Variants in RPS19 observed in about 807,000 individuals in gnomAD.
RPS19 encodes the protein small ribosomal subunit protein eS19.
A neutral mutation model predicts 20.3 loss-of-function variants in RPS19; 1 was observed. The observed-to-expected ratio is 0.05, with a 90% CI of 0.02 to 0.23. The LOEUF (loss-of-function observed/expected upper bound fraction) is 0.23, where lower values mean the gene tolerates loss of function less well. Ranked by LOEUF, RPS19 falls within the 10% of genes least tolerant of loss-of-function variation. The probability of loss-of-function intolerance (pLI) is 1.00; values close to 1 mark genes in which losing one functional copy is unlikely to be tolerated. For synonymous variants in RPS19, 87 were observed against 74.8 expected (o/e 1.16, Z -0.84); for missense variants, 111 against 192.7 (o/e 0.58, Z 2.51).
chr19:41,861,009 G>T (rs1267236123), intron 2 of RPS19, 103 bp from the exon 3 acceptor site: 5 of 1,123,478 alleles, frequency 4.5e-6, no homozygotes, highest in African/African-American at 3.1e-5. Flanking sequence ...GCCTCTCTTT[G>T]TACTCTGGGC....
intron 1 of RPS19, 148 bp from the exon 2 acceptor site, chr19:41,860,627 C>G (rs940928011): frequency 2.2e-5 from 17 of 768,414 alleles, no homozygotes; most frequent in East Asian, 2.4e-5. Flanking sequence ...CCCGCAGGAG[C>G]CGGAGCCCGG....
Position 41,861,089 on chromosome 19 carries a change from T to C in RPS19, c.72-23T>C, listed in dbSNP as rs1555839139. ...GTTTGTGGAGATGACTGAATCGTGC[T>C]TTTCCCACTGTTTTGGTCTTAGGTC... is the stretch of plus-strand genomic sequence containing the variant. On this transcript the variant is annotated intron_variant, in intron 2 of 5. Transcript: ENST00000598742. 5.0e-6 allele frequency: 8 copies of C among 1,590,542 alleles called. 1 individual carries two copies. The South Asian group carries it at 8.8e-5, about 18-fold the overall frequency.
intron 5 of RPS19, 111 bp downstream of exon 5, chr19:41,869,864 G>A: frequency 8.7e-7 from 1 of 1,143,096 alleles, no homozygotes; most frequent in Non-Finnish European, 1.3e-6. Context: ...GCACAGCCCA[G>A]GGTGCTGGTG....
In RPS19 at chr19:41,871,798, A is replaced by C. The variant is rs919526099; in HGVS notation, c.*421A>C. The C allele has an allele frequency of 4.9e-5, 11 of 222,236 alleles. No homozygotes were observed. Among genetic ancestry groups the C allele is most frequent in the Admixed American group, 1.1e-4 (2 of 18,996 alleles). 13.8% of individuals were successfully genotyped at this position (222,236 alleles called of 1,614,324 possible). ...CTGTCTTTGCAATTGTCAGAAAGTGAGAAACGAAAGGATGGCTGTGAGCTG... is the reference window on the plus strand; with the variant it reads ...CTGTCTTTGCAATTGTCAGAAAGTGCGAAACGAAAGGATGGCTGTGAGCTG... On this transcript the variant is annotated 3_prime_UTR_variant, in exon 6 of 6. Transcript: ENST00000598742.
chr19:41,860,971 G>C, intron 2 of RPS19, 126 bp downstream of exon 2: 2 of 1,110,476 alleles, frequency 1.8e-6, no homozygotes, highest in Non-Finnish European at 2.8e-6. Context: ...TCCTTTCAGC[G>C]TGAGGCCTGG....
chr19:41,862,035 C>CACTA (rs3837927), intron 3 of RPS19, among the ~76,000 whole-genome samples: 68,904 of 151,618 alleles, frequency 0.45, 16,519 homozygotes, highest in Middle Eastern at 0.69. Context: ...CACCGACCTT[C>CACTA]ACTAAGGGGC....
At chr19:41,867,446 T>C (rs112639563) in intron 3 of RPS19, among the ~76,000 whole-genome samples, 291 of 152,038 alleles carry the variant, frequency 1.9e-3, no homozygotes, top group African/African-American at 6.8e-3. Flanking sequence ...GTAGCTGGGG[T>C]TACAGCGGGT....
At chr19:41,865,708 G>A (rs935266249) in intron 3 of RPS19, among the ~76,000 whole-genome samples, 9 of 152,086 alleles carry the variant, frequency 5.9e-5, no homozygotes, top group South Asian at 4.1e-4. Context: ...CAGCACTTTC[G>A]GAGGCCGAGG....
At chr19:41,870,009 G>A (rs906275299) in intron 5 of RPS19, among the ~76,000 whole-genome samples, 5 of 152,096 alleles carry the variant, frequency 3.3e-5, no homozygotes, top group Admixed American at 6.5e-5. Context: ...TTGGGATGCC[G>A]AGGCAGGCGA....
chr19:41,868,706 G>A (rs79420097), intron 3 of RPS19, among the ~76,000 whole-genome samples: 3,494 of 152,192 alleles, frequency 0.023, 146 homozygotes, highest in African/African-American at 0.078. Flanking sequence ...CTGCTTCTCT[G>A]GGGCCCATGG....
chr19:41,866,583 G>A (rs1568793337), intron 3 of RPS19, among the ~76,000 whole-genome samples: 1 of 152,232 alleles, frequency 6.6e-6, no homozygotes, highest in Non-Finnish European at 1.5e-5. Context: ...GCAGATGCCA[G>A]AGGTAGTGAG....
intron 3 of RPS19, among the ~76,000 whole-genome samples, chr19:41,867,686 T>A (rs1000036981): frequency 2.7e-4 from 41 of 152,260 alleles, no homozygotes; most frequent in African/African-American, 9.4e-4. Flanking sequence ...ATACTTATAG[T>A]CCCAGCTACT....
intron 4 of RPS19, 93 bp from the exon 5 acceptor site, chr19:41,869,606 C>CT: frequency 7.0e-7 from 1 of 1,429,368 alleles, no homozygotes. Context: ...CGGCAGGTGG[C>CT]TTTTTGAGAA....
intron 3 of RPS19, 74 bp downstream of exon 3, chr19:41,861,286 C>G: frequency 9.3e-7 from 1 of 1,076,662 alleles, no homozygotes; most frequent in Non-Finnish European, 1.4e-6. Context: ...TTCCCTGTCT[C>G]CTCTGAGCTC....
At chr19:41,861,982 T>C (rs889986556) in intron 3 of RPS19, among the ~76,000 whole-genome samples, 4 of 152,146 alleles carry the variant, frequency 2.6e-5, no homozygotes, top group African/African-American at 9.7e-5. Context: ...TGTAACAGGG[T>C]GGGCGGTGGC....
intron 2 of RPS19, 91 bp downstream of exon 2, chr19:41,860,936 G>A: frequency 7.8e-7 from 1 of 1,278,630 alleles, no homozygotes; most frequent in Non-Finnish European, 1.1e-6. Flanking sequence ...CCTGGCAGGC[G>A]AGGCTTGTTT....
At position 41,860,852 on chromosome 19, in the gene RPS19, T is replaced by C. The variant is rs1407018019; in HGVS notation, c.71+7T>C. On this transcript the variant is annotated splice_region_variant and intron_variant, in intron 2 of 5. Transcript: ENST00000598742. Reference sequence around the variant, plus strand: ...TGGCAGCCTTCCTCAAAAAGTGAGTTTGGGGACTGAGGTTCAAAACGGGTG... The same window carrying C: ...TGGCAGCCTTCCTCAAAAAGTGAGTCTGGGGACTGAGGTTCAAAACGGGTG... 4.3e-6 allele frequency: 7 copies of C among 1,612,260 alleles called. No homozygotes were observed. Among genetic ancestry groups the C allele is most frequent in the Non-Finnish European group, 1.7e-6 (2 of 1,178,936 alleles).
intron 5 of RPS19, 98 bp from the exon 6 acceptor site, chr19:41,871,253 C>T (rs1002918473): frequency 6.1e-6 from 6 of 985,434 alleles, no homozygotes; most frequent in South Asian, 3.8e-5. Flanking sequence ...AACCACAAAT[C>T]GGGGTGCCCA....
At chr19:41,869,596 C>T (rs782105545) in intron 4 of RPS19, 103 bp from the exon 5 acceptor site, 13 of 1,273,198 alleles carry the variant, frequency 1.0e-5, no homozygotes, top group East Asian at 2.3e-5. Context: ...ACTTGGCTGG[C>T]GGCAGGTGGC....
Sources: allele counts gnomAD v4.1 joint callset (sites outside exome capture counted in the v4.1 genomes callset), GRCh38; gene constraint gnomAD v4.1.1; transcripts MANE v1.5; gene names NCBI Gene and HGNC (gene_info 2026-07-23, HGNC 2026-07-21).